The following KLHL1 variants were observed in gnomAD, a reference collection of about 807,000 sequenced individuals.
The protein encoded by KLHL1 is kelch-like protein 1.
Under a neutral mutation model 77.7 loss-of-function variants are expected in KLHL1, and 47 were observed. That is an observed-to-expected ratio of 0.60 (90% CI 0.48 to 0.77). The LOEUF (loss-of-function observed/expected upper bound fraction) is 0.77, where lower values mean the gene tolerates loss of function less well. Ranked by LOEUF, KLHL1 falls within the 30% of genes least tolerant of loss-of-function variation. KLHL1 has a pLI of 0.00. For synonymous variants in KLHL1, 360 were observed against 325.2 expected, an observed-to-expected ratio of 1.11 and a Z score of -1.15; for missense variants, 925 against 910.8, an observed-to-expected ratio of 1.02 and a Z score of -0.20.
At chr13:70,057,352 C>T (rs1349942516) in intron 1 of KLHL1, among the ~76,000 whole-genome samples, 2 of 150,340 alleles carry the variant, frequency 1.3e-5, no homozygotes, top group African/African-American at 2.4e-5. Flanking sequence ...TCTACAAAAC[C>T]TTTAAATGGT....
chr13:69,788,518 A>G, intron 7 of KLHL1, among the ~76,000 whole-genome samples: 1 of 150,330 alleles, frequency 6.7e-6, no homozygotes, highest in South Asian at 2.2e-4. Context: ...TTGTGGGGTC[A>G]GGGGAGGTGG....
chr13:70,084,389 A>C (rs1464330589), intron 1 of KLHL1, among the ~76,000 whole-genome samples: 2 of 151,944 alleles, frequency 1.3e-5, no homozygotes, highest in Non-Finnish European at 2.9e-5. Flanking sequence ...ACAAAGTAAA[A>C]GTGAAAGCAT....
intron 4 of KLHL1, chr13:69,894,088 C>T (rs1383948206): frequency 1.3e-5 from 2 of 152,318 alleles, no homozygotes; most frequent in African/African-American, 4.8e-5. Flanking sequence ...GATAGAGACC[C>T]TAAGGGGTGC....
chr13:69,800,813 T>C (rs1456095938), intron 6 of KLHL1, among the ~76,000 whole-genome samples: 6 of 152,184 alleles, frequency 3.9e-5, no homozygotes. Flanking sequence ...TGAGTAATTT[T>C]AGCCTTTGTT....
chr13:69,811,856 C>A (rs918758200), intron 6 of KLHL1, among the ~76,000 whole-genome samples: 1 of 152,120 alleles, frequency 6.6e-6, no homozygotes, highest in African/African-American at 2.4e-5. Flanking sequence ...AAAACCAGCT[C>A]CTGGATTCAT....
intron 1 of KLHL1, among the ~76,000 whole-genome samples, chr13:69,989,243 C>T (rs1374730479): frequency 2.0e-4 from 30 of 151,840 alleles, no homozygotes; most frequent in Admixed American, 1.8e-3. Context: ...TTGTTTTTGT[C>T]ACCTTTGTCA....
At chr13:69,892,432 A>T (rs1271972023) in intron 4 of KLHL1, among the ~76,000 whole-genome samples, 1 of 152,168 alleles carries the variant, frequency 6.6e-6, no homozygotes, top group Non-Finnish European at 1.5e-5. Context: ...CCTTACTAGA[A>T]AAAGAAAGTT....
chr13:70,026,005 T>G (rs1885931954), intron 1 of KLHL1, among the ~76,000 whole-genome samples: 1 of 152,080 alleles, frequency 6.6e-6, no homozygotes, highest in Non-Finnish European at 1.5e-5. Context: ...ACATTGACCT[T>G]CCATTTGTGG....
chr13:69,786,929 C>T (rs1014215194), intron 7 of KLHL1, among the ~76,000 whole-genome samples: 7 of 152,114 alleles, frequency 4.6e-5, no homozygotes, highest in Admixed American at 2.0e-4. Flanking sequence ...AATAAAATAC[C>T]TAGGAATCCA....
At chr13:69,977,621 A>G (rs1884583647) in intron 1 of KLHL1, among the ~76,000 whole-genome samples, 1 of 152,110 alleles carries the variant, frequency 6.6e-6, no homozygotes, top group Non-Finnish European at 1.5e-5. Context: ...TTTGTTAGAT[A>G]CTTCAGGAAA....
At chr13:69,708,520 G>A (rs1378479702) in intron 9 of KLHL1, among the ~76,000 whole-genome samples, 2 of 151,924 alleles carry the variant, frequency 1.3e-5, no homozygotes, top group Non-Finnish European at 2.9e-5. Flanking sequence ...GAACACAACT[G>A]GGTTTAGTGA....
intron 4 of KLHL1, among the ~76,000 whole-genome samples, chr13:69,904,000 T>G (rs1422637546): frequency 6.6e-6 from 1 of 151,962 alleles, no homozygotes; most frequent in Non-Finnish European, 1.5e-5. Flanking sequence ...ATATGCCCTA[T>G]GTATTTAAAG....
At chr13:69,824,210 A>G (rs977167091) in intron 6 of KLHL1, among the ~76,000 whole-genome samples, 3 of 152,084 alleles carry the variant, frequency 2.0e-5, no homozygotes, top group African/African-American at 7.2e-5. Context: ...GTTTCTATGT[A>G]TAAAATTTCC....
At chr13:69,879,029 T>C (rs1309926093) in intron 5 of KLHL1, among the ~76,000 whole-genome samples, 1 of 152,016 alleles carries the variant, frequency 6.6e-6, no homozygotes, top group Non-Finnish European at 1.5e-5. Context: ...CATGTTCTCA[T>C]TCATAGGTGG....
At chr13:69,807,993 T>C (rs1877688060) in intron 6 of KLHL1, among the ~76,000 whole-genome samples, 1 of 152,128 alleles carries the variant, frequency 6.6e-6, no homozygotes, top group Admixed American at 6.5e-5. Flanking sequence ...TAAACCTTTG[T>C]GTGGATTGTC....
At chr13:69,879,530 C>T (rs1048237481) in intron 5 of KLHL1, among the ~76,000 whole-genome samples, 13 of 151,926 alleles carry the variant, frequency 8.6e-5, no homozygotes, top group African/African-American at 2.7e-4. Context: ...ATTAATCATT[C>T]GAAAAAAAGC....
intron 1 of KLHL1, among the ~76,000 whole-genome samples, chr13:70,038,072 T>C (rs1164965467): frequency 6.6e-6 from 1 of 152,216 alleles, no homozygotes; most frequent in East Asian, 1.9e-4. Context: ...CTCCCTGCAA[T>C]CTCTCACCTT....
At chr13:69,823,696 C>T (rs561412556) in intron 6 of KLHL1, among the ~76,000 whole-genome samples, 2 of 151,986 alleles carry the variant, frequency 1.3e-5, no homozygotes, top group Non-Finnish European at 1.5e-5. Context: ...CTGTAGGACT[C>T]TATTCCCCAC....
chr13:69,808,861 A>C (rs1877738498), intron 6 of KLHL1, among the ~76,000 whole-genome samples: 1 of 128,582 alleles, frequency 7.8e-6, no homozygotes, highest in Non-Finnish European at 1.7e-5. Flanking sequence ...GTTGTATTGG[A>C]AAGAACCAAA....
Sources: allele counts gnomAD v4.1 joint callset (sites outside exome capture counted in the v4.1 genomes callset), GRCh38; gene constraint gnomAD v4.1.1; transcripts MANE v1.5; gene names NCBI Gene and HGNC (gene_info 2026-07-23, HGNC 2026-07-21).